The following HERC1 variants were observed in gnomAD, a reference collection of about 807,000 sequenced individuals.
HERC1 encodes HECT and RLD domain containing E3 ubiquitin protein ligase family member 1.
A neutral mutation model predicts 554.3 loss-of-function variants in HERC1; 160 were observed. That is an observed-to-expected ratio of 0.29 (90% confidence interval 0.25 to 0.33). The LOEUF (loss-of-function observed/expected upper bound fraction) is 0.33, where lower values mean the gene tolerates loss of function less well. Ranked by LOEUF, HERC1 falls within the 10% of genes least tolerant of loss-of-function variation. The probability of loss-of-function intolerance (pLI) is 1.00; values close to 1 mark genes in which losing one functional copy is unlikely to be tolerated. For synonymous variants in HERC1, 2,175 were observed against 2,131.7 expected, an observed-to-expected ratio of 1.02 and a Z score of -0.56; for missense variants, 4,919 against 5,918.5, an observed-to-expected ratio of 0.83 and a Z score of 5.54.
chr15:63,728,003 T>C (rs2074107340), intron 16 of HERC1, among the ~76,000 whole-genome samples, 165 bp from the exon 17 acceptor site: 2 of 152,248 alleles, frequency 1.3e-5, no homozygotes, highest in Admixed American at 1.3e-4. Flanking sequence ...TTATTCACTT[T>C]CAGAAAGTAC....
At chr15:63,661,692 C>G (rs1208653691) in intron 45 of HERC1, 61 bp downstream of exon 45, 6 of 1,545,178 alleles carry the variant, frequency 3.9e-6, no homozygotes, top group Non-Finnish European at 4.4e-6. Flanking sequence ...TCTACAGTTC[C>G]CAAGACTTAA....
intron 1 of HERC1, among the ~76,000 whole-genome samples, chr15:63,812,796 A>G (rs1355704857): frequency 2.0e-5 from 3 of 152,180 alleles, no homozygotes; most frequent in Non-Finnish European, 4.4e-5. Flanking sequence ...ATAATAAACG[A>G]AAAAATTATT....
chr15:63,807,854 TAC>T (rs565617538), intron 1 of HERC1, among the ~76,000 whole-genome samples: 103 of 152,186 alleles, frequency 6.8e-4, no homozygotes, highest in Non-Finnish European at 1.4e-3. Flanking sequence ...TTATACTTCC[TAC>T]AGTTACTAAT....
chr15:63,807,063 G>A (rs2077161610), intron 1 of HERC1, among the ~76,000 whole-genome samples: 1 of 152,100 alleles, frequency 6.6e-6, no homozygotes, highest in African/African-American at 2.4e-5. Context: ...TTTTTTTAAG[G>A]CTCAAAATCC....
intron 61 of HERC1, 133 bp from the exon 62 acceptor site, chr15:63,638,909 G>C: frequency 2.8e-6 from 2 of 703,518 alleles, no homozygotes; most frequent in Non-Finnish European, 5.0e-6. Flanking sequence ...TAAATTAAGA[G>C]CAGTTTTATA....
chr15:63,793,482 G>C (rs2076716542), intron 1 of HERC1, among the ~76,000 whole-genome samples: 1 of 152,104 alleles, frequency 6.6e-6, no homozygotes, highest in Non-Finnish European at 1.5e-5. Context: ...GGTCTAAAAG[G>C]GGGAGGAACC....
Position 63,826,784 on chromosome 15 carries a change from TAAAAAAAAAAAA to T in HERC1, c.-27+7031_-27+7042del, listed in dbSNP as rs71456333. 1.2e-3 allele frequency among the ~76,000 whole-genome samples: 44 copies of T among 37,106 alleles called. 1 individual carries two copies. Among genetic ancestry groups the T allele is most frequent in the African/African-American group, 3.0e-3 (35 of 11,498 alleles). The allele number at this position is 37,106 out of a possible 152,430, so 24.3% of individuals were successfully genotyped here. On this transcript the variant is annotated intron_variant, in intron 1 of 77. Coordinates refer to ENST00000443617, the MANE Select transcript of HERC1 (RefSeq NM_003922.4). ...TATTCTTTTAATCACTTATCTCTGG[TAAAAAAAAAAAA>T]AAAAAAAAAAAAAAAAAAATATATA...
At chr15:63,830,871 T>C (rs964092624) in intron 1 of HERC1, among the ~76,000 whole-genome samples, 4 of 152,216 alleles carry the variant, frequency 2.6e-5, no homozygotes, top group East Asian at 1.9e-4. Flanking sequence ...ACTAAAATCA[T>C]GAAAATCGGA....
At chr15:63,730,297 T>C (rs8029020) in intron 14 of HERC1, among the ~76,000 whole-genome samples, 1 of 148,978 alleles carries the variant, frequency 6.7e-6, no homozygotes, top group African/African-American at 2.5e-5. Context: ...TCTAAAAAAA[T>C]TTTTTTTTTT....
intron 26 of HERC1, among the ~76,000 whole-genome samples, chr15:63,696,718 A>G (rs954771332): frequency 6.6e-6 from 1 of 152,146 alleles, no homozygotes; most frequent in African/African-American, 2.4e-5. Context: ...GCTATTGTGA[A>G]GCTCACAAGG....
chr15:63,663,258 T>C (rs2070446273), intron 43 of HERC1, 54 bp from the exon 44 acceptor site: 2 of 1,492,924 alleles, frequency 1.3e-6, no homozygotes, highest in Middle Eastern at 1.7e-4. Context: ...TAATTCTGAA[T>C]ATTTCGCCAG....
chr15:63,777,222 C>A (rs2143006314), intron 1 of HERC1, among the ~76,000 whole-genome samples: 1 of 152,244 alleles, frequency 6.6e-6, no homozygotes, highest in East Asian at 1.9e-4. Context: ...CTGGTAAATT[C>A]TAAATATAAA....
chr15:63,645,076 T>C lies in HERC1; in HGVS notation c.11100A>G (p.Val3700=), dbSNP rs934869611. 2 of 1,613,618 alleles carry C rather than the reference T, an allele frequency of 1.2e-6. No homozygotes were observed. Among genetic ancestry groups the C allele is most frequent in the Admixed American group, 3.3e-5 (2 of 59,992 alleles). The stretch of plus-strand genomic sequence containing the variant: ...TATCTTGAGGAATGCGCCAAACACA[T>C]ACTAAGCCACTCTGACAGCCACTTA... The part of the protein sequence containing the change: ...LMATGCQSGL[V]CVWRIPQDTT... The change falls in exon 57 of 78, where the codon GTA becomes GTG. Residue 3700 remains valine, a synonymous_variant. Coordinates refer to ENST00000443617, the MANE Select transcript of HERC1 (RefSeq NM_003922.4).
rs745896684 is a variant in HERC1 at position 63,672,660 on chromosome 15, G to A, written c.7881C>T (p.Ala2627=). 3 of 1,610,084 alleles carry A rather than the reference G, an allele frequency of 1.9e-6. No homozygotes were observed. The highest frequency in any genetic ancestry group is 2.7e-5 in the African/African-American group (2 of 74,864). Residue 2627 remains alanine, a synonymous_variant, in exon 39 of 78, where the codon GCC becomes GCT. Coordinates refer to ENST00000443617, the MANE Select transcript of HERC1 (RefSeq NM_003922.4). ...TAGTAACTGGTGTCTGTGCCTGCTG[G>A]GCAGGGTCACTTTCTTCAGCTTGTT... ...IDQQAEESDP[A]QQAQTPVTTS...
chr15:63,833,747 GCGCGCGCA>G (rs1349407024), intron 1 of HERC1, 72 bp downstream of exon 1: 52,748 of 117,630 alleles, frequency 0.45, 10,926 homozygotes, highest in Non-Finnish European at 0.52. Flanking sequence ...GCACACACGC[GCGCGCGCA>G]CACACACACA....
rs1472792718 is a variant in HERC1, at chr15:63,713,547, T to C, written c.4269A>G (p.Gln1423=). Residue 1423 remains glutamine, a synonymous_variant, in exon 23 of 78, where the codon CAA becomes CAG. Transcript: ENST00000443617. ...RADDPPPQSQ[Q]ERRVSTDLPE... is the part of the protein sequence containing the mutation. ...GAAGGTCTGTGCTGACCCTTCGCTC[T>C]TGCTGAGACTGAGGAGGTGGATCAT... 1.9e-6 allele frequency: 3 copies of C among 1,613,902 alleles called. No individual in the cohort carries two copies. The highest frequency in any genetic ancestry group is 1.3e-5 in the African/African-American group (1 of 74,936).
In HERC1 at chr15:63,671,198, T is replaced by C. The variant is rs112174350; in HGVS notation, c.8045+1298A>G. On this transcript the variant is annotated intron_variant, in intron 39 of 77. Transcript: ENST00000443617. ...AGCCTGGGCAACAAGAGTGAAACTT[T>C]GTCTCAAAAAAAAAAAAAAAAAAAT... Among the ~76,000 whole-genome samples, 895 of 96,786 alleles carry C rather than the reference T, an allele frequency of 9.2e-3. 13 individuals carry two copies. The highest frequency in any genetic ancestry group is 0.032 in the African/African-American group (859 of 26,834). The allele number at this position is 96,786 out of a possible 152,430, so 63.5% of individuals were successfully genotyped here. A position where few individuals can be genotyped will look rare whatever the true frequency, so the allele number is the denominator to read the frequency against.
intron 27 of HERC1, 39 bp downstream of exon 27, chr15:63,696,085 G>T: frequency 1.4e-6 from 2 of 1,402,618 alleles, no homozygotes; most frequent in South Asian, 1.2e-5. Flanking sequence ...TTTGTAAAAT[G>T]ACAGTTAAAA....
chr15:63,727,829 T>C lies in HERC1; in HGVS notation c.3164A>G (p.Tyr1055Cys). 1 of 1,613,004 alleles carries C rather than the reference T, an allele frequency of 6.2e-7. No individual in the cohort carries two copies. Among genetic ancestry groups the C allele is most frequent in the Non-Finnish European group, 8.5e-7 (1 of 1,179,194 alleles). ...SVGEKLRDVI[Y>C]VSAAGSMLCQ... is the part of the protein sequence containing the mutation. The stretch of plus-strand genomic sequence containing the variant: ...GAGCATACTGCCAGCAGCTGAGACG[T>C]ATATCACATCTATGAAGGGCAAGAA... Residue 1055 changes from tyrosine to cysteine, a missense_variant, in exon 17 of 78, where the codon TAC becomes TGC. Coordinates refer to ENST00000443617, the MANE Select transcript of HERC1 (RefSeq NM_003922.4). This position sits in a 1 kb window ranked among gnomAD's most constrained non-coding sequence, Gnocchi z 4.3.
Sources: allele counts gnomAD v4.1 joint callset (sites outside exome capture counted in the v4.1 genomes callset), GRCh38; gene constraint gnomAD v4.1.1; non-coding constraint Gnocchi (gnomAD v3.1); transcripts MANE v1.5; gene names NCBI Gene and HGNC (gene_info 2026-07-23, HGNC 2026-07-21).